Variants in TMX4 observed in about 807,000 individuals in gnomAD.
The protein encoded by TMX4 is thioredoxin related transmembrane protein 4.
In TMX4, 23 loss-of-function variants were observed where a neutral mutation model predicts 33.3. The ratio of observed to expected loss-of-function variants is 0.69; its 90% CI spans 0.50 to 0.98. TMX4 has a LOEUF of 0.98. Ranked by LOEUF, TMX4 falls within the 50% of genes least tolerant of loss-of-function variation. The probability of loss-of-function intolerance (pLI) is 0.00; values close to 1 mark genes in which losing one functional copy is unlikely to be tolerated. For synonymous variants in TMX4, 164 were observed against 161.5 expected, an observed-to-expected ratio of 1.02 and a Z score of -0.12; for missense variants, 399 against 448.9, an observed-to-expected ratio of 0.89 and a Z score of 1.01.
intron 2 of TMX4, among the ~76,000 whole-genome samples, chr20:8,008,844 T>C (rs749965551): frequency 3.3e-5 from 5 of 152,214 alleles, no homozygotes; most frequent in Non-Finnish European, 7.4e-5. Flanking sequence ...GCTTTTATTG[T>C]CCATCTCTAG....
intron 1 of TMX4, among the ~76,000 whole-genome samples, chr20:8,018,349 G>A (rs953518691): frequency 4.6e-5 from 4 of 86,376 alleles, no homozygotes; most frequent in African/African-American, 1.4e-4. Flanking sequence ...GAGAGAGGAG[G>A]GAGAGAGAGA....
chr20:8,006,328 A>G (rs1362262725), intron 2 of TMX4, among the ~76,000 whole-genome samples: 2 of 152,230 alleles, frequency 1.3e-5, no homozygotes, highest in Admixed American at 6.5e-5. Flanking sequence ...TGGAAGAGTT[A>G]TAAGAATAAC....
At chr20:7,989,660 A>C (rs2050645831) in intron 5 of TMX4, among the ~76,000 whole-genome samples, 1 of 152,210 alleles carries the variant, frequency 6.6e-6, no homozygotes, top group South Asian at 2.1e-4. Context: ...TCACAACTAC[A>C]GATATAAATA....
chr20:8,007,028 G>C lies in TMX4; in HGVS notation c.292+3172C>G, dbSNP rs553951961. On this transcript the variant is annotated intron_variant, in intron 2 of 7. Coordinates refer to ENST00000246024, the MANE Select transcript of TMX4 (RefSeq NM_021156.4). ...TTGATCCGCTCGCCTCGGCCTCCCA[G>C]AGTGCTGGGATTACAGGCGTGAGCC... Among the ~76,000 whole-genome samples the C allele has an allele frequency of 1.6e-4, 24 of 152,222 alleles. No individual in the cohort carries two copies. In the South Asian group the frequency reaches 4.6e-3, roughly 29 times the overall value.
intron 2 of TMX4, 55 bp downstream of exon 2, chr20:8,010,145 A>T: frequency 6.7e-7 from 1 of 1,499,512 alleles, no homozygotes; most frequent in Non-Finnish European, 9.2e-7. Context: ...CTTGAAAAAA[A>T]TTCAAAATAA....
intron 6 of TMX4, among the ~76,000 whole-genome samples, chr20:7,985,475 G>A (rs1202186699): frequency 6.6e-6 from 1 of 151,470 alleles, no homozygotes; most frequent in Non-Finnish European, 1.5e-5. Flanking sequence ...GTTTTACCAT[G>A]TTGCCAAGGC....
chr20:8,017,423 T>C (rs756530926), intron 1 of TMX4, among the ~76,000 whole-genome samples: 1 of 152,238 alleles, frequency 6.6e-6, no homozygotes, highest in Non-Finnish European at 1.5e-5. Flanking sequence ...CTCAGAGCAA[T>C]TGATTACTAT....
At chr20:7,998,999 T>G (rs114503775) in intron 4 of TMX4, among the ~76,000 whole-genome samples, 1,637 of 152,322 alleles carry the variant, frequency 0.011, 19 homozygotes, top group Middle Eastern at 0.027. Flanking sequence ...AAATCAGTGC[T>G]CAAATGGTTG....
At chr20:7,990,032 C>T (rs1424929578) in intron 5 of TMX4, among the ~76,000 whole-genome samples, 2 of 152,100 alleles carry the variant, frequency 1.3e-5, no homozygotes, top group East Asian at 3.8e-4. Context: ...CGCGGTGGCT[C>T]ACACCTGTAA....
chr20:8,003,831 G>A (rs938304778), intron 2 of TMX4, among the ~76,000 whole-genome samples: 1 of 151,926 alleles, frequency 6.6e-6, no homozygotes, highest in African/African-American at 2.4e-5. Context: ...AATTTACAAG[G>A]CCATCAATTA....
chr20:7,995,644 C>T (rs1301658923), intron 5 of TMX4, among the ~76,000 whole-genome samples: 1 of 152,092 alleles, frequency 6.6e-6, no homozygotes, highest in African/African-American at 2.4e-5. Flanking sequence ...GGTAGCCCAT[C>T]CACAGGCTAG....
intron 2 of TMX4, among the ~76,000 whole-genome samples, chr20:8,006,081 G>A (rs867039302): frequency 1.1e-4 from 17 of 152,180 alleles, no homozygotes; most frequent in Middle Eastern, 6.8e-3. Flanking sequence ...GGTAACACAC[G>A]CCCACTGGGG....
At chr20:7,999,423 G>A (rs2050692885) in intron 4 of TMX4, among the ~76,000 whole-genome samples, 1 of 152,124 alleles carries the variant, frequency 6.6e-6, no homozygotes. Context: ...AGAAAGAATG[G>A]TAAATGATGT....
In TMX4 at chr20:7,989,219, G is replaced by C. The variant is rs556491588; in HGVS notation, c.514-1830C>G. On this transcript the variant is annotated intron_variant, in intron 5 of 7. Coordinates refer to ENST00000246024, the MANE Select transcript of TMX4 (RefSeq NM_021156.4). ...ACTCAGTATCATCAATATTAAACCC[G>C]GAAATGTGCCAAAGAATTAGAAGAT... Among the ~76,000 whole-genome samples, 11 of 151,874 alleles carry C rather than the reference G, an allele frequency of 7.2e-5. No homozygotes were observed. In the South Asian group the frequency reaches 2.3e-3, roughly 32 times the overall value.
At chr20:8,009,534 T>C (rs1163338979) in intron 2 of TMX4, among the ~76,000 whole-genome samples, 1 of 152,110 alleles carries the variant, frequency 6.6e-6, no homozygotes, top group Non-Finnish European at 1.5e-5. Flanking sequence ...GTGCTCAAAA[T>C]TAGCATTACT....
intron 1 of TMX4, 72 bp downstream of exon 1, chr20:8,019,366 C>G: frequency 6.8e-7 from 1 of 1,464,068 alleles, no homozygotes; most frequent in Non-Finnish European, 9.1e-7. Context: ...GGATCGCCAC[C>G]GGGCCGCGCG....
At chr20:7,986,019 G>A (rs74910631) in intron 6 of TMX4, among the ~76,000 whole-genome samples, 5,115 of 152,162 alleles carry the variant, frequency 0.034, 278 homozygotes, top group African/African-American at 0.11. Flanking sequence ...ACCTCATACT[G>A]TTTCCCCCTA....
At chr20:8,019,357 G>C (rs1475264490) in intron 1 of TMX4, 81 bp downstream of exon 1, 1 of 1,430,822 alleles carries the variant, frequency 7.0e-7, no homozygotes, top group Non-Finnish European at 9.2e-7. Flanking sequence ...GGCAATGCGG[G>C]ATCGCCACCG....
At chr20:8,018,195 G>C (rs893783783) in intron 1 of TMX4, among the ~76,000 whole-genome samples, 1 of 123,576 alleles carries the variant, frequency 8.1e-6, no homozygotes, top group African/African-American at 3.2e-5. Flanking sequence ...TTCAATAGTA[G>C]TATACAGATT....
Sources: allele counts gnomAD v4.1 joint callset (sites outside exome capture counted in the v4.1 genomes callset), GRCh38; gene constraint gnomAD v4.1.1; transcripts MANE v1.5; gene names NCBI Gene and HGNC (gene_info 2026-07-23, HGNC 2026-07-21).